The following ADGRV1 variants were observed in gnomAD, a reference collection of about 807,000 sequenced individuals.
The protein encoded by ADGRV1 is G-protein coupled receptor 98.
A neutral mutation model predicts 596.2 loss-of-function variants in ADGRV1; 359 were observed. The ratio of observed to expected loss-of-function variants is 0.60; its 90% CI spans 0.55 to 0.66. The LOEUF is 0.66. Ranked by LOEUF, ADGRV1 falls within the 30% of genes least tolerant of loss-of-function variation. The probability of loss-of-function intolerance (pLI) is 0.00; values close to 1 mark genes in which losing one functional copy is unlikely to be tolerated. For missense variants in ADGRV1, 7,274 were observed against 7,575.6 expected (o/e 0.96, Z 1.48); for synonymous variants, 2,681 against 2,679.2 (o/e 1.00, Z -0.02).
chr5:90,820,021 A>C (rs1051337878), intron 75 of ADGRV1, among the ~76,000 whole-genome samples: 2 of 151,078 alleles, frequency 1.3e-5, no homozygotes, highest in South Asian at 2.1e-4. Flanking sequence ...TGGGGTGTTA[A>C]AGTCTCCCAT....
intron 83 of ADGRV1, among the ~76,000 whole-genome samples, chr5:90,913,778 T>G (rs928891306): frequency 6.6e-6 from 1 of 152,182 alleles, no homozygotes; most frequent in African/African-American, 2.4e-5. Flanking sequence ...ATGTGAGTGT[T>G]TACAGGGAAA....
At chr5:90,901,808 G>A (rs1336330923) in intron 83 of ADGRV1, among the ~76,000 whole-genome samples, 4 of 152,022 alleles carry the variant, frequency 2.6e-5, no homozygotes, top group Non-Finnish European at 5.9e-5. Context: ...TACTATTCTA[G>A]CAATATCATG....
intron 60 of ADGRV1, among the ~76,000 whole-genome samples, chr5:90,775,862 T>C (rs1288092168): frequency 6.6e-6 from 1 of 152,078 alleles, no homozygotes; most frequent in Non-Finnish European, 1.5e-5. Flanking sequence ...AAAGTGAGAG[T>C]ATAGTGATAC....
At chr5:90,972,149 T>C (rs1004143859) in intron 84 of ADGRV1, among the ~76,000 whole-genome samples, 2 of 152,198 alleles carry the variant, frequency 1.3e-5, no homozygotes, top group Admixed American at 6.5e-5. Flanking sequence ...CAAGAAGAGC[T>C]GACTATCCTA....
chr5:91,162,787 A>C (rs1354677778), intron 89 of ADGRV1, among the ~76,000 whole-genome samples: 1 of 152,314 alleles, frequency 6.6e-6, no homozygotes, highest in African/African-American at 2.4e-5. Context: ...GATTAAGCCA[A>C]TTCACCATTT....
intron 85 of ADGRV1, among the ~76,000 whole-genome samples, chr5:91,066,900 G>A (rs1465248074): frequency 6.6e-6 from 1 of 152,216 alleles, no homozygotes; most frequent in Non-Finnish European, 1.5e-5. Context: ...AACGAGAACA[G>A]GCATGCTGTG....
intron 87 of ADGRV1, among the ~76,000 whole-genome samples, chr5:91,106,733 T>C (rs746232080): frequency 1.3e-5 from 2 of 152,196 alleles, no homozygotes; most frequent in Non-Finnish European, 2.9e-5. Flanking sequence ...TTAGTCCAAA[T>C]GGAGATCACA....
intron 85 of ADGRV1, among the ~76,000 whole-genome samples, chr5:91,052,646 C>T (rs907006707): frequency 6.6e-6 from 1 of 152,010 alleles, no homozygotes; most frequent in Non-Finnish European, 1.5e-5. Context: ...CTTGGTCAGG[C>T]TGGTCTCGAA....
chr5:90,619,333 A>G (rs1763750958), intron 4 of ADGRV1, among the ~76,000 whole-genome samples, 152 bp downstream of exon 4: 1 of 152,202 alleles, frequency 6.6e-6, no homozygotes, highest in Admixed American at 6.5e-5. Context: ...CATTCTGTAG[A>G]CCATTCATTT....
intron 83 of ADGRV1, among the ~76,000 whole-genome samples, chr5:90,959,478 A>G (rs1195612532): frequency 6.6e-6 from 1 of 152,168 alleles, no homozygotes. Context: ...TAAAAGTCAT[A>G]TGGAAATGCA....
At chr5:90,908,896 A>G (rs1358452733) in intron 83 of ADGRV1, among the ~76,000 whole-genome samples, 7 of 152,246 alleles carry the variant, frequency 4.6e-5, no homozygotes, top group Non-Finnish European at 5.9e-5. Flanking sequence ...TAATCACTAT[A>G]GGAATTCAGA....
chr5:90,735,039 C>G (rs1425261113), intron 50 of ADGRV1, among the ~76,000 whole-genome samples: 1 of 152,178 alleles, frequency 6.6e-6, no homozygotes, highest in Non-Finnish European at 1.5e-5. Context: ...TAATTTGATG[C>G]AATCCCATTT....
At chr5:90,761,118 CTACTG>C (rs1485496408) in intron 58 of ADGRV1, among the ~76,000 whole-genome samples, 3 of 152,234 alleles carry the variant, frequency 2.0e-5, no homozygotes, top group African/African-American at 7.2e-5. Context: ...TGCCCATTGT[CTACTG>C]TCCTGTGGAT....
intron 52 of ADGRV1, among the ~76,000 whole-genome samples, chr5:90,746,796 A>T (rs970538389): frequency 6.6e-6 from 1 of 152,206 alleles, no homozygotes; most frequent in African/African-American, 2.4e-5. Context: ...AGAACTGGGT[A>T]ACAAGCCCAC....
At chr5:90,852,340 T>A (rs1766612277) in intron 79 of ADGRV1, among the ~76,000 whole-genome samples, 1 of 152,176 alleles carries the variant, frequency 6.6e-6, no homozygotes, top group Admixed American at 6.5e-5. Flanking sequence ...ATCATGTAAA[T>A]CTACGACGTA....
At chr5:90,822,965 C>T (rs960325490) in intron 75 of ADGRV1, among the ~76,000 whole-genome samples, 3 of 152,066 alleles carry the variant, frequency 2.0e-5, no homozygotes, top group Non-Finnish European at 2.9e-5. Context: ...CTTGTGATTT[C>T]TGTACATTGA....
intron 79 of ADGRV1, among the ~76,000 whole-genome samples, chr5:90,851,748 A>C (rs956271835): frequency 6.6e-6 from 1 of 152,196 alleles, no homozygotes; most frequent in Non-Finnish European, 1.5e-5. Context: ...TCATAGGATA[A>C]GGTATCAGGG....
In ADGRV1 at chr5:90,823,318, C is replaced by T. The variant is rs926409359; in HGVS notation, c.16197-107C>T. ...GTGCTATACTTTGGATGAAGAGGTA[C>T]CATTTGGTATACTTTGGATGAAGAG... On this transcript the variant is annotated intron_variant, in intron 75 of 89. Transcript: ENST00000405460. 1.1e-5 allele frequency: 12 copies of T among 1,136,784 alleles called. No homozygotes were observed. In the South Asian group the frequency reaches 1.6e-4, roughly 15 times the overall value. 70.4% of individuals were successfully genotyped at this position (1,136,784 alleles called of 1,614,324 possible).
chr5:90,672,204 A>G (rs1334360080), intron 21 of ADGRV1, among the ~76,000 whole-genome samples: 1 of 152,232 alleles, frequency 6.6e-6, no homozygotes, highest in Admixed American at 6.5e-5. Context: ...CTACTTATCC[A>G]GAGAAAGGAC....
Sources: allele counts gnomAD v4.1 joint callset (sites outside exome capture counted in the v4.1 genomes callset), GRCh38; gene constraint gnomAD v4.1.1; transcripts MANE v1.5; gene names NCBI Gene and HGNC (gene_info 2026-07-23, HGNC 2026-07-21).